Variants in PATJ observed in about 807,000 individuals in gnomAD.
PATJ encodes inaD-like protein.
In PATJ, 190 loss-of-function variants were observed where a neutral mutation model predicts 224.9. The ratio of observed to expected loss-of-function variants is 0.84; its 90% CI spans 0.75 to 0.95. PATJ has a LOEUF of 0.95. Ranked by LOEUF, PATJ falls within the 40% of genes least tolerant of loss-of-function variation. The pLI is 0.00. For missense variants in PATJ, 2,121 were observed against 2,270.3 expected, an observed-to-expected ratio of 0.93 and a Z score of 1.34; for synonymous variants, 769 against 820.3, an observed-to-expected ratio of 0.94 and a Z score of 1.07.
intron 27 of PATJ, among the ~76,000 whole-genome samples, chr1:61,942,142 T>C (rs1230458055): frequency 6.6e-6 from 1 of 152,198 alleles, no homozygotes; most frequent in African/African-American, 2.4e-5. Flanking sequence ...CCTAGTATTT[T>C]TTCTTTTATT....
intron 2 of PATJ, 49 bp from the exon 3 acceptor site, chr1:61,762,964 A>C: frequency 6.6e-7 from 1 of 1,521,264 alleles, no homozygotes; most frequent in Non-Finnish European, 9.0e-7. Context: ...TAAAAATGGA[A>C]TCTCAAATGG....
intron 14 of PATJ, among the ~76,000 whole-genome samples, chr1:61,814,547 T>TGC (rs1553168028): frequency 0.15 from 21,653 of 142,350 alleles, 1,817 homozygotes; most frequent in Middle Eastern, 0.26. Context: ...TGTGTGTGTG[T>TGC]GCGCGCGCGC....
intron 1 of PATJ, among the ~76,000 whole-genome samples, chr1:61,762,345 G>A (rs1294607101): frequency 6.6e-6 from 1 of 151,830 alleles, no homozygotes; most frequent in South Asian, 2.1e-4. Flanking sequence ...TCCTTGTTGT[G>A]TGTATCAGTA....
At chr1:62,087,986 G>T (rs1172720524) in intron 33 of PATJ, among the ~76,000 whole-genome samples, 2 of 151,696 alleles carry the variant, frequency 1.3e-5, no homozygotes, top group African/African-American at 4.8e-5. Flanking sequence ...CCGCCTCCCG[G>T]GTTCAAGCGA....
chr1:62,135,034 G>C (rs1666681275), intron 41 of PATJ, among the ~76,000 whole-genome samples: 1 of 152,030 alleles, frequency 6.6e-6, no homozygotes, highest in Admixed American at 6.6e-5. Flanking sequence ...TCTGCTATTA[G>C]GTCTTTACCT....
intron 29 of PATJ, among the ~76,000 whole-genome samples, chr1:62,036,587 T>G (rs1650423266): frequency 6.6e-6 from 1 of 152,066 alleles, no homozygotes; most frequent in Admixed American, 6.6e-5. Context: ...GCTAAATATG[T>G]GAATTTGGAA....
At chr1:61,952,928 A>G (rs1340568940) in intron 27 of PATJ, among the ~76,000 whole-genome samples, 1 of 152,222 alleles carries the variant, frequency 6.6e-6, no homozygotes, top group Non-Finnish European at 1.5e-5. Flanking sequence ...TCATAGTAGT[A>G]AACAAAAGGC....
At chr1:61,807,638 G>T (rs1331910823) in intron 13 of PATJ, among the ~76,000 whole-genome samples, 9 of 152,158 alleles carry the variant, frequency 5.9e-5, no homozygotes, top group Non-Finnish European at 1.3e-4. Context: ...ACCGAGGAAT[G>T]GTTGGCAGAA....
At chr1:61,818,628 T>C (rs1280600696) in intron 14 of PATJ, among the ~76,000 whole-genome samples, 2 of 152,252 alleles carry the variant, frequency 1.3e-5, no homozygotes, top group Non-Finnish European at 2.9e-5. Flanking sequence ...TAGGTAGGCA[T>C]CCTTCAGATT....
At chr1:62,013,374 A>G (rs1208894135) in intron 28 of PATJ, 1 of 985,246 alleles carries the variant, frequency 1.0e-6, no homozygotes, top group Non-Finnish European at 1.2e-6. Flanking sequence ...ATGTTAGTGA[A>G]AGCCTACTCG....
Position 62,161,223 on chromosome 1 carries a change from A to G in PATJ, c.*169A>G. ...AGGTTTCATGTGAATTTCCCAAATC[A>G]ACAATCATCTCCTAATGTTTCCCAG... On this transcript the variant is annotated 3_prime_UTR_variant, in exon 44 of 44. Transcript: ENST00000642238. 2.2e-6 allele frequency: 1 copy of G among 455,354 alleles called. No homozygotes were observed. The highest frequency in any genetic ancestry group is 3.7e-6 in the Non-Finnish European group (1 of 272,104). 28.2% of individuals were successfully genotyped at this position (455,354 alleles called of 1,614,324 possible).
At chr1:62,048,146 T>C (rs1057450052) in intron 30 of PATJ, among the ~76,000 whole-genome samples, 1 of 152,230 alleles carries the variant, frequency 6.6e-6, no homozygotes, top group Non-Finnish European at 1.5e-5. Flanking sequence ...TGGTGGTACA[T>C]TCCCCTAGCA....
intron 39 of PATJ, 126 bp downstream of exon 39, chr1:62,123,184 T>C (rs186570053): frequency 4.5e-6 from 3 of 672,328 alleles, no homozygotes; most frequent in East Asian, 2.8e-5. Flanking sequence ...GATAAAAATA[T>C]GGTCTAAATA....
intron 21 of PATJ, among the ~76,000 whole-genome samples, chr1:61,882,404 G>C (rs1668228538): frequency 6.6e-6 from 1 of 152,146 alleles, no homozygotes. Context: ...TGTGTTCCTA[G>C]AGGATAAATA....
At chr1:61,758,825 A>G (rs1645799241) in intron 1 of PATJ, among the ~76,000 whole-genome samples, 1 of 152,068 alleles carries the variant, frequency 6.6e-6, no homozygotes, top group Non-Finnish European at 1.5e-5. Flanking sequence ...CAGTGGCATA[A>G]TCATAGCTCA....
chr1:62,137,384 G>A (rs1193836180), intron 41 of PATJ, among the ~76,000 whole-genome samples: 8 of 122,102 alleles, frequency 6.6e-5, no homozygotes, highest in African/African-American at 1.3e-4. Flanking sequence ...GAGTTTCGTC[G>A]GAGGGGGGAA....
At position 61,765,066 on chromosome 1, in the gene PATJ, A is replaced by ATTTTTTTTTTTTTT. The variant is rs71582647; in HGVS notation, c.190-1193_190-1180dup. On this transcript the variant is annotated intron_variant, in intron 3 of 43. Transcript: ENST00000642238. ...TTTCTTTGAGGTTTTATTGACATTC[A>ATTTTTTTTTTTTTT]TTTTTTTTTTTTTTTTTTTTTTTTT... Among the ~76,000 whole-genome samples, 12 of 24,022 alleles carry ATTTTTTTTTTTTTT rather than the reference A, an allele frequency of 5.0e-4. 4 individuals are homozygous for ATTTTTTTTTTTTTT. Among genetic ancestry groups the ATTTTTTTTTTTTTT allele is most frequent in the Admixed American group, 2.6e-3 (3 of 1,162 alleles). 15.8% of individuals were successfully genotyped at this position (24,022 alleles called of 152,430 possible).
intron 27 of PATJ, among the ~76,000 whole-genome samples, chr1:61,943,524 G>C (rs1678154829): frequency 1.3e-5 from 2 of 152,212 alleles, no homozygotes; most frequent in Admixed American, 6.5e-5. Context: ...CGAGGTGGCA[G>C]TGAGGCTGGG....
chr1:61,805,110 G>T (rs192218622), intron 12 of PATJ, among the ~76,000 whole-genome samples: 1 of 152,144 alleles, frequency 6.6e-6, no homozygotes, highest in South Asian at 2.1e-4. Flanking sequence ...AAAGCCACAT[G>T]CATTTTACTT....
Sources: gnomAD v4.1 joint callset for allele counts (sites outside exome capture counted in the v4.1 genomes callset) on GRCh38, gnomAD v4.1.1 for gene constraint, MANE v1.5 for transcripts, NCBI Gene and HGNC (gene_info 2026-07-23, HGNC 2026-07-21) for gene names.